TRAPPC9: variants seen among roughly 807,000 people sequenced by gnomAD.
TRAPPC9 encodes trafficking protein particle complex subunit 9, also known as IKK2 binding protein.
A neutral mutation model predicts 124.0 loss-of-function variants in TRAPPC9; 83 were observed. The observed-to-expected ratio is 0.67, with a 90% CI of 0.56 to 0.80. The LOEUF (loss-of-function observed/expected upper bound fraction) is 0.80, where lower values mean the gene tolerates loss of function less well. Ranked by LOEUF, TRAPPC9 falls within the 30% of genes least tolerant of loss-of-function variation. The pLI is 0.00. For missense variants in TRAPPC9, 1,302 were observed against 1,508.3 expected (o/e 0.86, Z 2.27); for synonymous variants, 638 against 617.5 (o/e 1.03, Z -0.49).
intron 20 of TRAPPC9, among the ~76,000 whole-genome samples, chr8:139,903,685 G>A (rs778711204): frequency 3.9e-5 from 6 of 152,182 alleles, no homozygotes; most frequent in Admixed American, 3.3e-4. Context: ...ACTCGGCATC[G>A]CGCAGCTGAG....
intron 17 of TRAPPC9, among the ~76,000 whole-genome samples, chr8:140,027,941 T>C (rs1840257263): frequency 1.3e-5 from 2 of 152,082 alleles, no homozygotes; most frequent in Admixed American, 6.5e-5. Flanking sequence ...CCTCCCACCA[T>C]GTCCCTCCCT....
Position 139,984,487 on chromosome 8 carries a change from C to T in TRAPPC9, c.2810+4239G>A, listed in dbSNP as rs929641245. On this transcript the variant is annotated intron_variant, in intron 19 of 22. Coordinates refer to ENST00000438773, the MANE Select transcript of TRAPPC9 (RefSeq NM_001160372.4). The surrounding 1 kb of genome is among the most constrained non-coding windows in gnomAD (Gnocchi z 4.3). The stretch of plus-strand genomic sequence containing the variant: ...GGGGGTGGTGGCAGGGGTGCCTCCT[C>T]GTAGGGGAACGGGAGAGCCAGGAGA... Among the ~76,000 whole-genome samples, 12 of 152,008 alleles carry T rather than the reference C, an allele frequency of 7.9e-5. No individual in the cohort carries two copies. The highest frequency in any genetic ancestry group is 3.9e-4 in the Admixed American group (6 of 15,272).
In TRAPPC9 at chr8:140,450,902, C is replaced by T. The variant is rs751725375; in HGVS notation, c.472G>A (p.Val158Met). The change falls in exon 2 of 23, where the codon GTG becomes ATG. Residue 158 changes from valine (V) to methionine (M), a missense_variant. Physicochemically the swap from Val to Met is conservative, Grantham distance 21. Around this residue, in one of 3 missense-constraint regions of TRAPPC9, gnomAD observed 657 missense variants for 811.2 expected, o/e 0.81. Coordinates refer to ENST00000438773, the MANE Select transcript of TRAPPC9 (RefSeq NM_001160372.4). ...IEDFIESLFI[V>M]LESKRLDRAT... ...CTGTCCAGACGCTTGGACTCCAGCA[C>T]GATGAACAGTGACTCGATGAAGTCC... 1.9e-6 allele frequency: 3 copies of T among 1,613,974 alleles called. No homozygotes were observed. The highest frequency in any genetic ancestry group is 1.7e-6 in the Non-Finnish European group (2 of 1,180,022).
chr8:139,868,859 A>G (rs1421419361), intron 21 of TRAPPC9, among the ~76,000 whole-genome samples: 2 of 152,254 alleles, frequency 1.3e-5, no homozygotes, highest in Admixed American at 1.3e-4. Flanking sequence ...AACAAGAAAC[A>G]AATCTGTGAT....
rs1390886470 is a variant in TRAPPC9, at chr8:140,216,855, T to C, written c.2556+4604A>G. On this transcript the variant is annotated intron_variant, in intron 17 of 22. Transcript: ENST00000438773. This position sits in a 1 kb window ranked among gnomAD's most constrained non-coding sequence, Gnocchi z 4.1. ...CAGCCATAGCAACGAGGATCACCTG[T>C]ATTCTAACCACTTTTTCTTGTTTTA... Among the ~76,000 whole-genome samples the C allele has an allele frequency of 1.3e-5, 2 of 152,210 alleles. No individual in the cohort carries two copies. Among genetic ancestry groups the C allele is most frequent in the Non-Finnish European group, 2.9e-5 (2 of 68,026 alleles).
chr8:140,274,599 C>T (rs899733194), intron 15 of TRAPPC9, among the ~76,000 whole-genome samples: 1 of 152,140 alleles, frequency 6.6e-6, no homozygotes, highest in Non-Finnish European at 1.5e-5. Context: ...CGGTACAAGC[C>T]CAAATTAACC....
At chr8:140,159,660 C>T (rs1216022563) in intron 17 of TRAPPC9, among the ~76,000 whole-genome samples, 1 of 152,168 alleles carries the variant, frequency 6.6e-6, no homozygotes. Context: ...CAAAGAAAAT[C>T]GAGCATTACA....
intron 19 of TRAPPC9, among the ~76,000 whole-genome samples, chr8:139,945,080 T>C (rs979367243): frequency 5.9e-5 from 9 of 152,282 alleles, no homozygotes; most frequent in South Asian, 2.1e-4. Context: ...GCCAAGATCA[T>C]GCCATTGTGC....
intron 14 of TRAPPC9, among the ~76,000 whole-genome samples, chr8:140,281,837 G>T (rs1186466645): frequency 6.6e-6 from 1 of 152,012 alleles, no homozygotes; most frequent in Non-Finnish European, 1.5e-5. Flanking sequence ...GTTGAAGACC[G>T]CCCTGCCTGC....
intron 21 of TRAPPC9, among the ~76,000 whole-genome samples, chr8:139,824,664 G>C (rs1223878928): frequency 6.6e-6 from 1 of 152,120 alleles, no homozygotes; most frequent in Non-Finnish European, 1.5e-5. Context: ...AGGTTCAAGC[G>C]ACTCTTGAGC....
At chr8:139,784,989 A>G (rs1192362646) in intron 21 of TRAPPC9, among the ~76,000 whole-genome samples, 1 of 152,162 alleles carries the variant, frequency 6.6e-6, no homozygotes, top group Non-Finnish European at 1.5e-5. Flanking sequence ...AATACAAAAG[A>G]CCTAGAATGG....
intron 21 of TRAPPC9, among the ~76,000 whole-genome samples, 175 bp from the exon 22 acceptor site, chr8:139,732,377 G>A (rs891308506): frequency 6.6e-6 from 1 of 152,208 alleles, no homozygotes; most frequent in Admixed American, 6.5e-5. Context: ...CCTGGTCTCC[G>A]GAAGAGGAAC....
At chr8:140,316,999 G>A (rs2066460010) in intron 9 of TRAPPC9, among the ~76,000 whole-genome samples, 1 of 152,122 alleles carries the variant, frequency 6.6e-6, no homozygotes, top group Admixed American at 6.5e-5. Flanking sequence ...CACTGAGTTT[G>A]TTGGCATATA....
At chr8:140,065,017 G>A (rs990370513) in intron 17 of TRAPPC9, among the ~76,000 whole-genome samples, 8 of 152,062 alleles carry the variant, frequency 5.3e-5, no homozygotes, top group Admixed American at 2.6e-4. Context: ...CACAGACTTC[G>A]CCCAAAGGAT....
intron 3 of TRAPPC9, among the ~76,000 whole-genome samples, chr8:140,435,744 A>T (rs907458504): frequency 6.6e-6 from 1 of 152,220 alleles, no homozygotes; most frequent in African/African-American, 2.4e-5. Flanking sequence ...TTGAGGTTGT[A>T]GTCCTCCCTC....
At chr8:140,039,196 G>C (rs1026216424) in intron 17 of TRAPPC9, among the ~76,000 whole-genome samples, 2 of 152,236 alleles carry the variant, frequency 1.3e-5, no homozygotes, top group Admixed American at 6.5e-5. Context: ...TCCACGGCCT[G>C]TCTGATAGGC....
chr8:140,217,220 G>T (rs570185035), intron 17 of TRAPPC9, among the ~76,000 whole-genome samples: 6 of 152,310 alleles, frequency 3.9e-5, no homozygotes, highest in African/African-American at 1.4e-4. Flanking sequence ...AAGGGAGAGC[G>T]CCACATCTGG....
chr8:140,451,445 T>C (rs970138705), intron 1 of TRAPPC9, 62 bp from the exon 2 acceptor site: 1 of 1,392,794 alleles, frequency 7.2e-7, no homozygotes, highest in African/African-American at 1.4e-5. Context: ...GAGCCTACCC[T>C]GGGAGGCAGT....
chr8:140,300,035 GT>G (rs2131821635), intron 11 of TRAPPC9, among the ~76,000 whole-genome samples: 1 of 152,306 alleles, frequency 6.6e-6, no homozygotes, highest in South Asian at 2.1e-4. Context: ...ATAAGTCTCA[GT>G]TAACAAAAGT....
Sources: gnomAD v4.1 joint callset for allele counts (sites outside exome capture counted in the v4.1 genomes callset) on GRCh38, gnomAD v4.1.1 for gene constraint, gnomAD v4.1.1 regional missense constraint, Gnocchi (gnomAD v3.1) non-coding constraint, MANE v1.5 for transcripts, NCBI Gene and HGNC (gene_info 2026-07-23, HGNC 2026-07-21) for gene names.